Variants in CALCRL observed in about 807,000 individuals in gnomAD.
CALCRL encodes the protein calcitonin gene-related peptide type 1 receptor.
Under a neutral mutation model 60.4 loss-of-function variants are expected in CALCRL, and 27 were observed. The ratio of observed to expected loss-of-function variants is 0.45; its 90% CI spans 0.33 to 0.62. CALCRL has a LOEUF of 0.62. Ranked by LOEUF, CALCRL falls within the 20% of genes least tolerant of loss-of-function variation. CALCRL has a pLI of 0.03. For synonymous variants in CALCRL, 190 were observed against 182.6 expected (o/e 1.04, Z -0.33); for missense variants, 424 against 540.7 (o/e 0.78, Z 2.14).
chr2:187,376,471 A>G lies in CALCRL; in HGVS notation c.500+2469T>C, dbSNP rs917860764. ...TATGATATCTTGCTTTTGCTCTCAT[A>G]TAGTGAACTAGGAGAATAAGTGGTC... is the stretch of plus-strand genomic sequence containing the variant. On this transcript the variant is annotated intron_variant, in intron 8 of 14. Transcript: ENST00000392370. Among the ~76,000 whole-genome samples the G allele has an allele frequency of 2.6e-5, 4 of 152,126 alleles. No homozygotes were observed. The East Asian group carries it at 7.7e-4, about 29-fold the overall frequency.
intron 1 of CALCRL, among the ~76,000 whole-genome samples, chr2:187,439,520 AC>A (rs1371558559): frequency 1.3e-5 from 2 of 152,104 alleles, no homozygotes; most frequent in Non-Finnish European, 2.9e-5. Flanking sequence ...CAACAAAAAA[AC>A]AGTAAATATG....
chr2:187,357,513 G>A (rs1403984053), intron 12 of CALCRL, among the ~76,000 whole-genome samples: 1 of 143,584 alleles, frequency 7.0e-6, no homozygotes, highest in Admixed American at 7.0e-5. Context: ...GGGGGTGGGG[G>A]TGAGGGGAGG....
At chr2:187,395,124 C>A (rs996414306) in intron 1 of CALCRL, among the ~76,000 whole-genome samples, 2 of 152,042 alleles carry the variant, frequency 1.3e-5, no homozygotes, top group African/African-American at 4.8e-5. Context: ...GCAAATCCAG[C>A]ATGCAAATTG....
intron 12 of CALCRL, among the ~76,000 whole-genome samples, chr2:187,353,210 T>G (rs1420082068): frequency 1.3e-5 from 2 of 151,950 alleles, no homozygotes; most frequent in Non-Finnish European, 2.9e-5. Context: ...ATCTTTTACT[T>G]TGGTCCATTT....
Position 187,387,722 on chromosome 2 carries a change from G to A in CALCRL, c.-258C>T, listed in dbSNP as rs1305978560. Reference sequence around the variant, plus strand: ...TTTCTCTTGGATCATATTTGACATTGTCTTTAAGAATTTCTTAAATTCAGG... The same window carrying A: ...TTTCTCTTGGATCATATTTGACATTATCTTTAAGAATTTCTTAAATTCAGG... On this transcript the variant is annotated 5_prime_UTR_variant, in exon 2 of 15. Coordinates refer to ENST00000392370, the MANE Select transcript of CALCRL (RefSeq NM_005795.6). 7.6e-6 allele frequency: 3 copies of A among 396,728 alleles called. No individual in the cohort carries two copies. The highest frequency in any genetic ancestry group is 1.3e-5 in the Non-Finnish European group (3 of 225,082). 24.6% of individuals were successfully genotyped at this position (396,728 alleles called of 1,614,324 possible).
chr2:187,427,110 G>A (rs1375045138), intron 1 of CALCRL, among the ~76,000 whole-genome samples: 1 of 152,072 alleles, frequency 6.6e-6, no homozygotes, highest in African/African-American at 2.4e-5. Flanking sequence ...TTTTTGTGTG[G>A]GGAGGGAGAC....
intron 5 of CALCRL, among the ~76,000 whole-genome samples, chr2:187,382,284 G>T (rs1021509237): frequency 6.6e-6 from 1 of 152,238 alleles, no homozygotes; most frequent in Non-Finnish European, 1.5e-5. Flanking sequence ...AGACTTTCTA[G>T]AGTATTTAAA....
chr2:187,352,471 G>T (rs889010287), intron 12 of CALCRL, 139 bp from the exon 13 acceptor site: 4 of 546,818 alleles, frequency 7.3e-6, no homozygotes, highest in Admixed American at 3.1e-5. Context: ...ATTGCCTAAG[G>T]CATTAATTTA....
intron 14 of CALCRL, among the ~76,000 whole-genome samples, chr2:187,351,388 G>A (rs1164941838): frequency 6.6e-6 from 1 of 151,734 alleles, no homozygotes; most frequent in Non-Finnish European, 1.5e-5. Context: ...AGAGTACATG[G>A]TCATGTTATG....
intron 1 of CALCRL, among the ~76,000 whole-genome samples, chr2:187,437,360 G>C (rs1317054554): frequency 6.6e-6 from 1 of 152,260 alleles, no homozygotes; most frequent in African/African-American, 2.4e-5. Flanking sequence ...GGCTAATACA[G>C]TGAAACCCAG....
intron 1 of CALCRL, among the ~76,000 whole-genome samples, chr2:187,412,148 C>T (rs1689394702): frequency 6.6e-6 from 1 of 152,062 alleles, no homozygotes; most frequent in African/African-American, 2.4e-5. Flanking sequence ...TGCCTGCATC[C>T]TTCCAGTTTT....
chr2:187,373,608 C>G (rs1687623290), intron 8 of CALCRL, among the ~76,000 whole-genome samples: 2 of 152,002 alleles, frequency 1.3e-5, no homozygotes, highest in South Asian at 4.1e-4. Context: ...ATATTCAAAC[C>G]TCGTAATGGA....
At chr2:187,437,673 G>A (rs1690709259) in intron 1 of CALCRL, among the ~76,000 whole-genome samples, 1 of 152,010 alleles carries the variant, frequency 6.6e-6, no homozygotes, top group Non-Finnish European at 1.5e-5. Context: ...TTTATGTTTT[G>A]TAATAATAAC....
chr2:187,383,038 A>G (rs1688044591), intron 5 of CALCRL, 135 bp downstream of exon 5: 2 of 803,608 alleles, frequency 2.5e-6, no homozygotes, highest in Non-Finnish European at 3.9e-6. Context: ...TTCAAACATA[A>G]TTAAAACTGC....
chr2:187,384,284 A>G (rs2105787476), intron 4 of CALCRL, among the ~76,000 whole-genome samples: 1 of 152,320 alleles, frequency 6.6e-6, no homozygotes, highest in South Asian at 2.1e-4. Flanking sequence ...CAAGTAATAC[A>G]TGGAAATGTA....
chr2:187,353,010 A>G (rs1300343065), intron 12 of CALCRL, among the ~76,000 whole-genome samples: 1 of 151,946 alleles, frequency 6.6e-6, no homozygotes, highest in East Asian at 1.9e-4. Flanking sequence ...TTGTGCCTCA[A>G]CAACTTTCTC....
At chr2:187,355,089 T>G (rs1331920305) in intron 12 of CALCRL, among the ~76,000 whole-genome samples, 2 of 152,128 alleles carry the variant, frequency 1.3e-5, no homozygotes, top group Non-Finnish European at 2.9e-5. Flanking sequence ...ATGCACTAAC[T>G]GTGCCAGATC....
chr2:187,371,982 G>C (rs1687546407), intron 8 of CALCRL, among the ~76,000 whole-genome samples: 1 of 152,042 alleles, frequency 6.6e-6, no homozygotes, highest in Admixed American at 6.6e-5. Context: ...GAATGCTTTG[G>C]TCTACCAGTT....
At chr2:187,375,415 A>C (rs1687712885) in intron 8 of CALCRL, among the ~76,000 whole-genome samples, 1 of 152,178 alleles carries the variant, frequency 6.6e-6, no homozygotes, top group African/African-American at 2.4e-5. Flanking sequence ...TTTCAGTGAA[A>C]ACTTCAAGTG....
Sources: gnomAD v4.1 joint callset for allele counts (sites outside exome capture counted in the v4.1 genomes callset) on GRCh38, gnomAD v4.1.1 for gene constraint, MANE v1.5 for transcripts, NCBI Gene and HGNC (gene_info 2026-07-23, HGNC 2026-07-21) for gene names.